The following PCDH19 variants were observed in gnomAD, a reference collection of about 807,000 sequenced individuals.
PCDH19 encodes protocadherin 19, also known as protocadherin-19.
A neutral mutation model predicts 46.2 loss-of-function variants in PCDH19; 6 were observed. That is an observed-to-expected ratio of 0.13 (90% CI 0.07 to 0.26). The LOEUF (loss-of-function observed/expected upper bound fraction) is 0.26. PCDH19 is among the 10% of genes least tolerant of loss of function. The pLI is 1.00. For missense variants in PCDH19, 740 were observed against 972.3 expected (o/e 0.76, Z 3.18); for synonymous variants, 481 against 415.7 (o/e 1.16, Z -1.91).
rs375750849 is a variant in PCDH19 at position 100,390,919 on chromosome X, C to A, written c.2616+11605G>T. On this transcript the variant is annotated intron_variant, in intron 3 of 5. Coordinates refer to ENST00000373034, the MANE Select transcript of PCDH19 (RefSeq NM_001184880.2). ...CCAACAAATCCCACAAAGAGAATGA[C>A]AATCAGTGAAATATATTGTTAAGCA... is the stretch of plus-strand genomic sequence containing the variant. 7.1e-5 allele frequency among the ~76,000 whole-genome samples: 8 copies of A among 111,963 alleles called. No homozygotes were observed. In the South Asian group the frequency reaches 3.0e-3, roughly 42 times the overall value.
At chrX:100,333,187 A>AGAGAGAG (rs1555976716) in intron 5 of PCDH19, among the ~76,000 whole-genome samples, 1 of 24,252 alleles carries the variant, frequency 4.1e-5, no homozygotes, top group African/African-American at 1.4e-4. Flanking sequence ...GAGAGAGAGA[A>AGAGAGAG]AGAAAGAAAG....
chrX:100,334,310 T>TG (rs1325103018), intron 5 of PCDH19, among the ~76,000 whole-genome samples: 1 of 111,509 alleles, frequency 9.0e-6, no homozygotes, highest in Non-Finnish European at 1.9e-5. Flanking sequence ...CACAAAGAAA[T>TG]GATAAATGTT....
intron 5 of PCDH19, among the ~76,000 whole-genome samples, chrX:100,299,168 G>T (rs1278527434): frequency 9.0e-6 from 1 of 111,285 alleles, no homozygotes; most frequent in African/African-American, 3.3e-5. Flanking sequence ...GTCCCTACCT[G>T]AAAGGCATAA....
intron 5 of PCDH19, among the ~76,000 whole-genome samples, chrX:100,329,638 G>A (rs1206799145): frequency 8.0e-5 from 9 of 111,812 alleles, no homozygotes; most frequent in Non-Finnish European, 1.3e-4. Context: ...GGCCGGGCGC[G>A]GTGGCTCACG....
Position 100,407,326 on chromosome X carries a change from C to T in PCDH19, c.1272G>A (p.Gln424=), listed in dbSNP as rs1602636492. ...EQHDQYNLTI[Q]ARDGGVPMLQ... ...GCATGGGCACGCCGCCGTCGCGTGC[C>T]TGAATTGTGAGGTTGTATTGGTCGT... The change falls in exon 1 of 6, where the codon CAG becomes CAA. Residue 424 remains glutamine, a synonymous_variant. Transcript: ENST00000373034. 4.1e-6 allele frequency: 5 copies of T among 1,211,089 alleles called. No individual in the cohort carries two copies. The East Asian group carries it at 1.5e-4, about 36-fold the overall frequency.
rs1209998005 is a variant in PCDH19 at position 100,292,011 on chromosome X, T to C, written c.*4266A>G. On this transcript the variant is annotated 3_prime_UTR_variant, in exon 6 of 6. Transcript: ENST00000373034. ...CCCTGGTTTGACAGGTAAACAGTAA[T>C]AGTGTCATCAGGCTCATTCCCCTCA... The C allele has an allele frequency of 8.8e-6, 1 of 113,363 alleles. No individual in the cohort carries two copies. Among genetic ancestry groups the C allele is most frequent in the Non-Finnish European group, 1.9e-5 (1 of 53,378 alleles). 9.3% of individuals were successfully genotyped at this position (113,363 alleles called of 1,213,427 possible).
chrX:100,381,907 C>T (rs1927563528), intron 3 of PCDH19, among the ~76,000 whole-genome samples: 1 of 111,392 alleles, frequency 9.0e-6, no homozygotes, highest in East Asian at 2.8e-4. Flanking sequence ...ACCTTCCCTA[C>T]ACACACAGCC....
At chrX:100,380,595 T>C (rs768627232) in intron 3 of PCDH19, among the ~76,000 whole-genome samples, 1 of 111,692 alleles carries the variant, frequency 9.0e-6, no homozygotes, top group South Asian at 3.8e-4. Context: ...TTCAACAAAA[T>C]GAGTTGCTAG....
In PCDH19 at chrX:100,406,925, T is replaced by A; in HGVS notation, c.1673A>T (p.Asp558Val). The change falls in exon 1 of 6, where the codon GAC (aspartate) becomes GTC (valine). Residue 558 changes from aspartate (D) to valine (V), a missense_variant. Physicochemically the swap from Asp to Val is radical, Grantham distance 152. Coordinates refer to ENST00000373034, the MANE Select transcript of PCDH19 (RefSeq NM_001184880.2). ...TGGGGCTGTGATGACCGGGGTGTTG[T>A]CGTTGACGTCGAGGATGATGACCCG... ...TVRVIILDVN[D>V]NTPVITAPPL... is the part of the protein sequence containing the mutation. 1 of 1,211,596 alleles carries A rather than the reference T, an allele frequency of 8.3e-7. No individual in the cohort carries two copies. Among genetic ancestry groups the A allele is most frequent in the Non-Finnish European group, 1.1e-6 (1 of 895,422 alleles).
In PCDH19 at chrX:100,408,651, G is replaced by A; in HGVS notation, c.-54C>T. 1 of 1,004,813 alleles carries A rather than the reference G, an allele frequency of 1.0e-6. No homozygotes were observed. The highest frequency in any genetic ancestry group is 1.4e-6 in the Non-Finnish European group (1 of 737,685). The allele number at this position is 1,004,813 out of a possible 1,213,427, so 82.8% of individuals were successfully genotyped here. A position where few individuals can be genotyped will look rare whatever the true frequency, so the allele number is the denominator to read the frequency against. ...CTCTCCACACCCCTCCGAGACCGACGCCGTCGGCGCTCCAGCTTCCCGCCG... is the reference window on the plus strand; with the variant it reads ...CTCTCCACACCCCTCCGAGACCGACACCGTCGGCGCTCCAGCTTCCCGCCG... On this transcript the variant is annotated 5_prime_UTR_variant, in exon 1 of 6. Coordinates refer to ENST00000373034, the MANE Select transcript of PCDH19 (RefSeq NM_001184880.2).
chrX:100,315,015 A>T (rs1283864321), intron 5 of PCDH19, among the ~76,000 whole-genome samples: 1 of 111,715 alleles, frequency 9.0e-6, no homozygotes, highest in Non-Finnish European at 1.9e-5. Flanking sequence ...TTAGAAACTC[A>T]TACCTCCAAG....
chrX:100,334,461 A>T (rs1426934386), intron 5 of PCDH19, among the ~76,000 whole-genome samples: 5 of 111,773 alleles, frequency 4.5e-5, no homozygotes, highest in African/African-American at 1.6e-4. Flanking sequence ...ACTAGTGTAC[A>T]TTTCCAGGGC....
chrX:100,364,568 C>G (rs187337037), intron 3 of PCDH19, among the ~76,000 whole-genome samples: 2 of 111,004 alleles, frequency 1.8e-5, no homozygotes, highest in East Asian at 5.7e-4. Flanking sequence ...GAAATGTTAC[C>G]TAAGGAAATA....
In PCDH19 at chrX:100,311,428, G is replaced by A. The variant is rs146391445; in HGVS notation, c.2849-14553C>T. The stretch of plus-strand genomic sequence containing the variant: ...GGAACAAAAAGGGCACCCAGCAGCT[G>A]GTGTTCCCCTTAACAGGAACTGACA... On this transcript the variant is annotated intron_variant, in intron 5 of 5. Coordinates refer to ENST00000373034, the MANE Select transcript of PCDH19 (RefSeq NM_001184880.2). Among the ~76,000 whole-genome samples the A allele has an allele frequency of 6.6e-3, 732 of 111,308 alleles. 4 individuals carry two copies. Among genetic ancestry groups the A allele is most frequent in the African/African-American group, 0.022 (686 of 30,640 alleles).
intron 3 of PCDH19, among the ~76,000 whole-genome samples, chrX:100,397,516 C>T (rs1398799303): frequency 8.9e-6 from 1 of 112,102 alleles, no homozygotes; most frequent in Non-Finnish European, 1.9e-5. Flanking sequence ...TCCCTACGGA[C>T]CTATGACTGG....
chrX:100,363,714 A>G (rs1926974139), intron 3 of PCDH19, among the ~76,000 whole-genome samples: 1 of 100,192 alleles, frequency 1.0e-5, no homozygotes, highest in African/African-American at 3.6e-5. Context: ...TTTATTTTAT[A>G]TATAATATAT....
At chrX:100,337,066 C>T (rs1217890310) in intron 5 of PCDH19, among the ~76,000 whole-genome samples, 6 of 111,419 alleles carry the variant, frequency 5.4e-5, no homozygotes, top group Non-Finnish European at 1.9e-5. Context: ...CCCCTAATCA[C>T]GCAACAAACC....
At chrX:100,344,127 A>G (rs1428844944) in intron 4 of PCDH19, among the ~76,000 whole-genome samples, 2 of 112,156 alleles carry the variant, frequency 1.8e-5, no homozygotes, top group Non-Finnish European at 3.8e-5. Flanking sequence ...TGAAGCATTG[A>G]CCTGTTAGCT....
chrX:100,390,875 T>G (rs1256854906), intron 3 of PCDH19, among the ~76,000 whole-genome samples: 27 of 111,783 alleles, frequency 2.4e-4, no homozygotes, highest in Non-Finnish European at 5.6e-5. Context: ...AGCAGAGGCA[T>G]GGTGGACTGC....
Sources: gnomAD v4.1 joint callset for allele counts (sites outside exome capture counted in the v4.1 genomes callset) on GRCh38, gnomAD v4.1.1 for gene constraint, MANE v1.5 for transcripts, NCBI Gene and HGNC (gene_info 2026-07-23, HGNC 2026-07-21) for gene names.